Variants in CCDC33 observed in about 807,000 individuals in gnomAD.
CCDC33 encodes coiled-coil domain containing 33.
CCDC33 carries 94 observed loss-of-function variants against 91.9 expected under a neutral mutation model. The observed-to-expected ratio is 1.02, with a 90% CI of 0.87 to 1.21. CCDC33 has a LOEUF of 1.21. CCDC33 is among the 50% of genes most tolerant of loss of function. The pLI is 0.00. For synonymous variants in CCDC33, 396 were observed against 374.5 expected, an observed-to-expected ratio of 1.06 and a Z score of -0.66; for missense variants, 940 against 935.5, an observed-to-expected ratio of 1.00 and a Z score of -0.06.
chr15:74,320,457 A>C (rs1297955514), intron 11 of CCDC33, among the ~76,000 whole-genome samples: 1 of 151,538 alleles, frequency 6.6e-6, no homozygotes, highest in Non-Finnish European at 1.5e-5. Context: ...TGTCCCACAC[A>C]AGGCCTGCCT....
chr15:74,205,306 C>G (rs1032080601), intron 1 of CCDC33, among the ~76,000 whole-genome samples: 1 of 152,168 alleles, frequency 6.6e-6, no homozygotes, highest in Non-Finnish European at 1.5e-5. Flanking sequence ...ATGTGGCTCA[C>G]AGTTCTGCAG....
At chr15:74,267,911 G>A (rs1441096358) in intron 4 of CCDC33, among the ~76,000 whole-genome samples, 1 of 152,170 alleles carries the variant, frequency 6.6e-6, no homozygotes, top group Non-Finnish European at 1.5e-5. Flanking sequence ...GCACCAGGGG[G>A]CTTTACCTTC....
chr15:74,234,165 G>A (rs955018490), upstream of CCDC33, among the ~76,000 whole-genome samples: 1 of 152,176 alleles, frequency 6.6e-6, no homozygotes, highest in African/African-American at 2.4e-5. Flanking sequence ...CAGCCTCAGG[G>A]GCTTGCCCCT....
intron 11 of CCDC33, among the ~76,000 whole-genome samples, chr15:74,298,268 T>C (rs529476094): frequency 6.6e-6 from 1 of 151,988 alleles, no homozygotes; most frequent in East Asian, 1.9e-4. Flanking sequence ...ATGATGATGA[T>C]GATGGTGGTG....
chr15:74,322,931 G>A (rs1467938511), intron 11 of CCDC33, among the ~76,000 whole-genome samples: 1 of 152,140 alleles, frequency 6.6e-6, no homozygotes, highest in Non-Finnish European at 1.5e-5. Flanking sequence ...TTCAACACTA[G>A]CCAGACTGCC....
intron 11 of CCDC33, chr15:74,303,826 C>G (rs1367880446): frequency 1.3e-5 from 2 of 152,316 alleles, no homozygotes; most frequent in African/African-American, 4.8e-5. Flanking sequence ...CAATTAAATA[C>G]TTAAGACAAG....
intron 1 of CCDC33, chr15:74,203,252 C>T (rs1210525842): frequency 1.0e-6 from 1 of 976,634 alleles, no homozygotes; most frequent in African/African-American, 1.8e-5. Context: ...GATAACTCAC[C>T]CCCACAAGGC....
intron 8 of CCDC33, 112 bp from the exon 9 acceptor site, chr15:74,280,556 C>T: frequency 7.9e-7 from 1 of 1,268,016 alleles, no homozygotes; most frequent in Non-Finnish European, 1.1e-6. Flanking sequence ...AGGGAAAGGC[C>T]AGGAGGCAGG....
At chr15:74,214,378 A>G (rs953968702), upstream of CCDC33, among the ~76,000 whole-genome samples, 13 of 151,990 alleles carry the variant, frequency 8.6e-5, no homozygotes, top group African/African-American at 3.1e-4. Flanking sequence ...CCCAGCCCAC[A>G]TCCCTTACCC....
chr15:74,260,516 C>T (rs969175790), intron 2 of CCDC33, among the ~76,000 whole-genome samples: 1 of 152,212 alleles, frequency 6.6e-6, no homozygotes, highest in East Asian at 1.9e-4. Context: ...GAGGGAATAA[C>T]ATGAACTGGG....
intron 1 of CCDC33, chr15:74,217,665 A>T: frequency 1.9e-6 from 2 of 1,070,242 alleles, no homozygotes; most frequent in Non-Finnish European, 2.4e-6. Context: ...AGAGAGCCTC[A>T]GGAGAACTGG....
At chr15:74,281,233 A>G (rs1195035182) in intron 9 of CCDC33, among the ~76,000 whole-genome samples, 1 of 152,264 alleles carries the variant, frequency 6.6e-6, no homozygotes, top group East Asian at 1.9e-4. Context: ...AAGAGAGTTC[A>G]GAGCTCAGGC....
chr15:74,309,845 G>A (rs2059959067), intron 11 of CCDC33, among the ~76,000 whole-genome samples: 1 of 152,150 alleles, frequency 6.6e-6, no homozygotes, highest in Non-Finnish European at 1.5e-5. Context: ...AAGTATGAGG[G>A]GAACTTAAAA....
chr15:74,250,028 T>G (rs1004426457), intron 2 of CCDC33, among the ~76,000 whole-genome samples: 5 of 152,106 alleles, frequency 3.3e-5, no homozygotes, highest in Admixed American at 6.5e-5. Context: ...CCTGTACTCT[T>G]TTTCCATGTG....
At chr15:74,268,244 T>A in intron 4 of CCDC33, 98 bp from the exon 5 acceptor site, 1 of 850,778 alleles carries the variant, frequency 1.2e-6, no homozygotes, top group South Asian at 1.4e-5. Context: ...AGCGGAGCAA[T>A]GCCAAGTGAT....
At position 74,218,189 on chromosome 15, in the gene CCDC33, GGCAGGC is replaced by G. The variant is rs1427296411; in HGVS notation, c.311-307_311-302del. Among the ~76,000 whole-genome samples, 1 of 152,176 alleles carries G rather than the reference GGCAGGC, an allele frequency of 6.6e-6. No homozygotes were observed. The highest frequency in any genetic ancestry group is 1.5e-5 in the Non-Finnish European group (1 of 68,018). On this transcript the variant is annotated intron_variant, in intron 1 of 2. Coordinates refer to the CCDC33 transcript ENST00000635913. This position sits in a 1 kb window ranked among gnomAD's most constrained non-coding sequence, Gnocchi z 4.8. The stretch of plus-strand genomic sequence containing the variant: ...AGACTTTAAATGGCTATAAATCAGG[GGCAGGC>G]TGAACTCTTCCCCAGTCTAGGAGTC...
rs61744270 is a variant in CCDC33 at position 74,332,714 on chromosome 15, G to C, written c.1807G>C (p.Gly603Arg). The C allele has an allele frequency of 3.3e-3, 5,378 of 1,614,142 alleles. 167 individuals carry two copies. The African/African-American group carries it at 0.064, about 19-fold the overall frequency. Residue 603 changes from glycine to arginine, a missense_variant, in exon 16 of 19, where the codon GGT becomes CGT. Physicochemically the swap from Gly to Arg is moderately radical, Grantham distance 125. Transcript: ENST00000398814. ...GCTCTCAGCCTCTGGCCTTCCCTTG[G>C]GTTCTATGGGAGAGAACCTGCCGGT... is the stretch of plus-strand genomic sequence containing the variant. ...PMLSASGLPL[G>R]SMGENLPVEL... is the part of the protein sequence containing the mutation.
intron 10 of CCDC33, among the ~76,000 whole-genome samples, chr15:74,292,229 G>A (rs1156795152): frequency 6.6e-6 from 1 of 152,180 alleles, no homozygotes; most frequent in East Asian, 1.9e-4. Context: ...TGATTAGGAG[G>A]AGTTAGTCTT....
At chr15:74,235,102 A>G (rs746704195), upstream of CCDC33, among the ~76,000 whole-genome samples, 5 of 152,110 alleles carry the variant, frequency 3.3e-5, no homozygotes, top group Non-Finnish European at 7.4e-5. Flanking sequence ...CACAAGGGAG[A>G]TAAAGCACAG....
Sources: allele counts gnomAD v4.1 joint callset (sites outside exome capture counted in the v4.1 genomes callset), GRCh38; gene constraint gnomAD v4.1.1; non-coding constraint Gnocchi (gnomAD v3.1); transcripts MANE v1.5; gene names NCBI Gene and HGNC (gene_info 2026-07-23, HGNC 2026-07-21).